Variants in SAMD3 observed in about 807,000 individuals in gnomAD.
SAMD3 encodes the protein sterile alpha motif domain containing 3, also known as sterile alpha motif domain-containing protein 3.
Under a neutral mutation model 58.5 loss-of-function variants are expected in SAMD3, and 63 were observed. The ratio of observed to expected loss-of-function variants is 1.08; its 90% confidence interval spans 0.88 to 1.33. SAMD3 has a LOEUF of 1.33. Ranked by LOEUF, SAMD3 falls within the 40% of genes most tolerant of loss-of-function variation. The probability of loss-of-function intolerance (pLI) is 0.00; values close to 1 mark genes in which losing one functional copy is unlikely to be tolerated. For synonymous variants in SAMD3, 220 were observed against 210.3 expected, an observed-to-expected ratio of 1.05 and a Z score of -0.40; for missense variants, 604 against 608.4, an observed-to-expected ratio of 0.99 and a Z score of 0.08.
At chr6:130,266,716 A>G (rs117473636) in intron 2 of SAMD3, among the ~76,000 whole-genome samples, 3,835 of 152,290 alleles carry the variant, frequency 0.025, 68 homozygotes, top group Non-Finnish European at 0.04. Flanking sequence ...ACCAGTAGGC[A>G]GGTAGTTGTG....
At chr6:130,281,608 C>T (rs1244350899) in intron 2 of SAMD3, among the ~76,000 whole-genome samples, 1 of 152,006 alleles carries the variant, frequency 6.6e-6, no homozygotes, top group Non-Finnish European at 1.5e-5. Flanking sequence ...AAAATATAAG[C>T]TTCTTACAAT....
intron 5 of SAMD3, among the ~76,000 whole-genome samples, chr6:130,207,670 T>A (rs1217646580): frequency 6.6e-6 from 1 of 152,158 alleles, no homozygotes; most frequent in East Asian, 1.9e-4. Flanking sequence ...ACCTTACAAA[T>A]GAATTTCCAC....
chr6:130,239,385 A>T (rs965918086), intron 2 of SAMD3, among the ~76,000 whole-genome samples: 10 of 152,206 alleles, frequency 6.6e-5, no homozygotes, highest in Admixed American at 3.9e-4. Context: ...TGAGGCACTT[A>T]TATAAGCCAT....
chr6:130,147,202 T>C (rs1301849860), intron 9 of SAMD3, among the ~76,000 whole-genome samples: 1 of 152,230 alleles, frequency 6.6e-6, no homozygotes, highest in African/African-American at 2.4e-5. Flanking sequence ...GTCATTGCTT[T>C]TCCTAAAACT....
intron 7 of SAMD3, among the ~76,000 whole-genome samples, chr6:130,181,929 G>A (rs1223640249): frequency 2.0e-5 from 3 of 152,104 alleles, no homozygotes; most frequent in Non-Finnish European, 4.4e-5. Flanking sequence ...CCTGGGCGTG[G>A]TGGGGGGCAC....
intron 2 of SAMD3, among the ~76,000 whole-genome samples, chr6:130,232,410 AC>A (rs1670254669): frequency 6.6e-6 from 1 of 152,190 alleles, no homozygotes; most frequent in African/African-American, 2.4e-5. Flanking sequence ...AGGCTGTCTT[AC>A]TATCCTGTTT....
chr6:130,149,348 C>A (rs768438216), intron 9 of SAMD3, among the ~76,000 whole-genome samples: 12 of 152,202 alleles, frequency 7.9e-5, no homozygotes, highest in African/African-American at 2.9e-4. Flanking sequence ...ACAGAGCTAC[C>A]ATTTGACCCA....
At chr6:130,206,514 T>C (rs1314093789) in intron 5 of SAMD3, among the ~76,000 whole-genome samples, 3 of 152,230 alleles carry the variant, frequency 2.0e-5, no homozygotes, top group African/African-American at 7.2e-5. Context: ...CCTTGGATGC[T>C]GGGAAATGCT....
At chr6:130,214,189 C>A in intron 4 of SAMD3, 148 bp downstream of exon 4, 1 of 581,008 alleles carries the variant, frequency 1.7e-6, no homozygotes, top group Non-Finnish European at 2.8e-6. Context: ...TTTACAGTGT[C>A]CTTTGCTCAA....
chr6:130,253,371 A>G lies in SAMD3; in HGVS notation c.-187-30558T>C, dbSNP rs552144613. On this transcript the variant is annotated intron_variant, in intron 2 of 13. Transcript: ENST00000368134. ...TAGTTGGAACCAGTGGGCTACAACCATCTTGAGCTACTACCTAAAATTCTT... is the reference window on the plus strand; with the variant it reads ...TAGTTGGAACCAGTGGGCTACAACCGTCTTGAGCTACTACCTAAAATTCTT... Among the ~76,000 whole-genome samples the G allele has an allele frequency of 7.2e-5, 11 of 152,336 alleles. 1 individual carries two copies. In the South Asian group the frequency reaches 2.3e-3, roughly 32 times the overall value.
chr6:130,294,175 C>T (rs545787649), intron 2 of SAMD3, among the ~76,000 whole-genome samples: 71 of 152,246 alleles, frequency 4.7e-4, no homozygotes, highest in African/African-American at 1.6e-3. Flanking sequence ...TAAAAGGAGA[C>T]TGCTTACTTA....
chr6:130,364,907 A>G (rs1184939658), intron 1 of SAMD3, among the ~76,000 whole-genome samples: 1 of 107,622 alleles, frequency 9.3e-6, no homozygotes, highest in Non-Finnish European at 1.7e-5. Flanking sequence ...CGGATTTTAT[A>G]CCCCCCCAGA....
intron 5 of SAMD3, among the ~76,000 whole-genome samples, chr6:130,190,591 G>A (rs576433079): frequency 3.3e-5 from 5 of 152,146 alleles, no homozygotes; most frequent in Non-Finnish European, 7.4e-5. Context: ...GCAGAATGGA[G>A]ATTTAGGAGG....
chr6:130,206,423 C>T (rs1795086045), intron 5 of SAMD3, among the ~76,000 whole-genome samples: 1 of 152,170 alleles, frequency 6.6e-6, no homozygotes, highest in Admixed American at 6.5e-5. Flanking sequence ...ACAGAGACAA[C>T]CCGTGAGAAA....
chr6:130,319,956 G>C (rs1776529082), intron 1 of SAMD3, among the ~76,000 whole-genome samples: 1 of 151,746 alleles, frequency 6.6e-6, no homozygotes, highest in African/African-American at 2.4e-5. Flanking sequence ...TCAATAAAAA[G>C]TTTCCAAAAT....
chr6:130,285,490 A>C (rs1174849096), intron 2 of SAMD3, among the ~76,000 whole-genome samples: 1 of 152,164 alleles, frequency 6.6e-6, no homozygotes, highest in Non-Finnish European at 1.5e-5. Context: ...TGTTCATGAG[A>C]GGTCATGATG....
intron 2 of SAMD3, among the ~76,000 whole-genome samples, chr6:130,266,735 A>T (rs910373187): frequency 4.6e-5 from 7 of 152,186 alleles, no homozygotes; most frequent in African/African-American, 1.7e-4. Flanking sequence ...TGTTATTGGA[A>T]TTATTAAACC....
intron 2 of SAMD3, among the ~76,000 whole-genome samples, chr6:130,255,478 A>T (rs182831735): frequency 6.6e-6 from 1 of 152,302 alleles, no homozygotes; most frequent in Admixed American, 6.5e-5. Flanking sequence ...TATGTGTTCA[A>T]ATATTGGGTG....
Position 130,345,995 on chromosome 6 carries a change from A to G in SAMD3, c.-304+19125T>C, listed in dbSNP as rs183998285. ...GTAAAAAGCACACTAGGTTGTTATG[A>G]CAGGCTGAATATTTTGCACTTTATC... is the stretch of plus-strand genomic sequence containing the variant. On this transcript the variant is annotated intron_variant, in intron 1 of 13. Transcript: ENST00000368134. 1.4e-3 allele frequency among the ~76,000 whole-genome samples: 219 copies of G among 152,348 alleles called. 2 individuals carry two copies. The highest frequency in any genetic ancestry group is 5.2e-3 in the African/African-American group (216 of 41,584).
Sources: gnomAD v4.1 joint callset for allele counts (sites outside exome capture counted in the v4.1 genomes callset) on GRCh38, gnomAD v4.1.1 for gene constraint, MANE v1.5 for transcripts, NCBI Gene and HGNC (gene_info 2026-07-23, HGNC 2026-07-21) for gene names.